PROX1: variants seen among roughly 807,000 people sequenced by gnomAD.
PROX1 encodes prospero homeobox protein 1.
Under a neutral mutation model 58.8 loss-of-function variants are expected in PROX1, and 7 were observed. The observed-to-expected ratio is 0.12, with a 90% confidence interval of 0.07 to 0.22. The LOEUF (loss-of-function observed/expected upper bound fraction) is 0.22. PROX1 is among the 10% of genes least tolerant of loss of function. The pLI is 1.00. For missense variants in PROX1, 675 were observed against 927.8 expected, an observed-to-expected ratio of 0.73 and a Z score of 3.54; for synonymous variants, 350 against 358.3, an observed-to-expected ratio of 0.98 and a Z score of 0.26.
intron 1 of PROX1, among the ~76,000 whole-genome samples, chr1:213,992,977 T>C (rs1402542965): frequency 1.3e-5 from 2 of 152,216 alleles, no homozygotes; most frequent in East Asian, 3.8e-4. Flanking sequence ...AATTCAGATA[T>C]TAAAGGAGAC....
chr1:214,011,606 G>T lies in PROX1; in HGVS notation c.1919G>T (p.Arg640Leu). The T allele has an allele frequency of 1.2e-6, 2 of 1,614,008 alleles. No homozygotes were observed. Among genetic ancestry groups the T allele is most frequent in the Non-Finnish European group, 1.7e-6 (2 of 1,179,910 alleles). Residue 640 changes from arginine to leucine, a missense_variant, in exon 4 of 5, where the codon CGT becomes CTT. Transcript: ENST00000366958. Reference protein sequence around the residue: ...FYYIQMEKYARQAINDGVTST... With the variant: ...FYYIQMEKYALQAINDGVTST... The stretch of plus-strand genomic sequence containing the variant: ...TACATTCAGATGGAGAAGTACGCAC[G>T]TCAAGCCATCAACGATGGGGTCACC...
intron 4 of PROX1, among the ~76,000 whole-genome samples, chr1:214,016,555 A>G (rs940900915): frequency 6.6e-6 from 1 of 152,218 alleles, no homozygotes; most frequent in Admixed American, 6.5e-5. Flanking sequence ...CGAGGAGGAA[A>G]AGAAACCCTT....
At chr1:213,990,298 T>C (rs2102678599) in intron 1 of PROX1, among the ~76,000 whole-genome samples, 1 of 152,044 alleles carries the variant, frequency 6.6e-6, no homozygotes, top group East Asian at 1.9e-4. Flanking sequence ...TGTGTGTCTG[T>C]ACAGCTCTAG....
chr1:214,034,210 G>C (rs1664755072), intron 4 of PROX1, among the ~76,000 whole-genome samples: 3 of 152,108 alleles, frequency 2.0e-5, no homozygotes, highest in Admixed American at 2.0e-4. Context: ...AGTGATGTCG[G>C]GTGATGATTC....
intron 4 of PROX1, among the ~76,000 whole-genome samples, chr1:214,014,830 G>T (rs378414): frequency 0.92 from 140,422 of 152,216 alleles, 65,161 homozygotes; most frequent in Non-Finnish European, 0.98. Context: ...GCCTCTGTCA[G>T]AAGCTTGCTA....
rs1663343434 is a variant in PROX1 at position 213,997,969 on chromosome 1, C to T, written c.1434C>T (p.Ser478=). 1.9e-6 allele frequency: 3 copies of T among 1,613,882 alleles called. No individual in the cohort carries two copies. Among genetic ancestry groups the T allele is most frequent in the Admixed American group, 1.7e-5 (1 of 59,988 alleles). ...CTGCCACCACGGGCTTCACCACGTC[C>T]ACCTTCCGCCACCCCTTCCCCCTTC... ...PLSATTGFTT[S]TFRHPFPLPL... The change falls in exon 2 of 5, where the codon TCC becomes TCT. Residue 478 remains serine, a synonymous_variant. Coordinates refer to ENST00000366958, the MANE Select transcript of PROX1 (RefSeq NM_001270616.2). This position sits in a 1 kb window ranked among gnomAD's most constrained non-coding sequence, Gnocchi z 7.1.
At chr1:213,992,964 G>C (rs983369554) in intron 1 of PROX1, among the ~76,000 whole-genome samples, 1 of 152,144 alleles carries the variant, frequency 6.6e-6, no homozygotes, top group Non-Finnish European at 1.5e-5. Context: ...GAGAATGTCA[G>C]ATAATTCAGA....
At chr1:214,012,065 T>C (rs1558179219) in intron 4 of PROX1, among the ~76,000 whole-genome samples, 1 of 152,176 alleles carries the variant, frequency 6.6e-6, no homozygotes, top group African/African-American at 2.4e-5. Flanking sequence ...ACCTTTTTCA[T>C]ATTTAGGTTC....
At position 213,997,452 on chromosome 1, in the gene PROX1, A is replaced by G. The variant is rs1230587349; in HGVS notation, c.917A>G (p.Gln306Arg). 1 of 1,614,024 alleles carries G rather than the reference A, an allele frequency of 6.2e-7. No individual in the cohort carries two copies. The highest frequency in any genetic ancestry group is 8.5e-7 in the Non-Finnish European group (1 of 1,180,032). The change falls in exon 2 of 5, where the codon CAG becomes CGG. Residue 306 changes from glutamine to arginine, a missense_variant. Physicochemically the swap from Gln to Arg is conservative, Grantham distance 43. Transcript: ENST00000366958. The surrounding 1 kb of genome is among the most constrained non-coding windows in gnomAD (Gnocchi z 7.1). ...DNEMCELDPG[Q>R]FIDRARALIR... ...GAGATGTGCGAGCTAGACCCAGGAC[A>G]GTTTATTGACCGAGCTCGAGCCCTG...
chr1:214,027,199 C>T (rs538996921), intron 4 of PROX1, among the ~76,000 whole-genome samples: 1 of 152,196 alleles, frequency 6.6e-6, no homozygotes, highest in East Asian at 1.9e-4. Context: ...TAGCCTTTCC[C>T]TGGGTTTGCT....
intron 4 of PROX1, among the ~76,000 whole-genome samples, chr1:214,018,515 T>C (rs1664171845): frequency 6.6e-6 from 1 of 152,144 alleles, no homozygotes; most frequent in African/African-American, 2.4e-5. Flanking sequence ...AGATGCAGTG[T>C]GGAGAGAGCT....
intron 3 of PROX1, among the ~76,000 whole-genome samples, chr1:214,008,053 T>G (rs553953717): frequency 5.7e-4 from 60 of 104,998 alleles, no homozygotes; most frequent in Admixed American, 1.7e-3. Flanking sequence ...GTTATTTTAT[T>G]CAATTTTTTT....
intron 3 of PROX1, among the ~76,000 whole-genome samples, chr1:214,007,410 G>T (rs771024074): frequency 1.6e-4 from 24 of 152,172 alleles, no homozygotes; most frequent in Non-Finnish European, 3.1e-4. Flanking sequence ...ATCACTGAAG[G>T]TCACTTCTCT....
Position 214,005,281 on chromosome 1 carries a change from T to A in PROX1, c.1833+9T>A, listed in dbSNP as rs768853967. 3 of 1,584,810 alleles carry A rather than the reference T, an allele frequency of 1.9e-6. No homozygotes were observed. In the African/African-American group the frequency reaches 4.1e-5, roughly 22 times the overall value. ...ACTTCTCCGACGTAAAGGTAGGGAC[T>A]TTTTTTATTCTTAATTTTTTCATTT... On this transcript the variant is annotated intron_variant, in intron 3 of 4. Coordinates refer to ENST00000366958, the MANE Select transcript of PROX1 (RefSeq NM_001270616.2).
At chr1:214,007,746 CA>C (rs1299305963) in intron 3 of PROX1, among the ~76,000 whole-genome samples, 1 of 152,138 alleles carries the variant, frequency 6.6e-6, no homozygotes. Flanking sequence ...TACAGATAGA[CA>C]AGTGTGTCTA....
In PROX1 at chr1:214,023,128, A is replaced by C. The variant is rs561606324; in HGVS notation, c.2028+11413A>C. 9.2e-5 allele frequency among the ~76,000 whole-genome samples: 14 copies of C among 152,318 alleles called. No homozygotes were observed. In the South Asian group the frequency reaches 2.9e-3, roughly 32 times the overall value. ...AATTCATACACAATTTATTGACTGA[A>C]TTGGCACTATCATTAGACTTGCTGC... On this transcript the variant is annotated intron_variant, in intron 4 of 4. Transcript: ENST00000366958.
In PROX1 at chr1:213,988,020, CA is replaced by C. The variant is rs1171389596; in HGVS notation, c.-530del. ...AATACACCATTGCAGCCGGGGAAAG[CA>C]GAGCGGCGCAAAAGAGCTCTCGCCG... On this transcript the variant is annotated 5_prime_UTR_variant, in exon 1 of 5. Coordinates refer to ENST00000366958, the MANE Select transcript of PROX1 (RefSeq NM_001270616.2). 1.3e-5 allele frequency: 2 copies of C among 151,714 alleles called. No homozygotes were observed. The highest frequency in any genetic ancestry group is 6.6e-5 in the Admixed American group (1 of 15,252). The allele number at this position is 151,714 out of a possible 1,614,324, so 9.4% of individuals were successfully genotyped here.
Position 213,997,650 on chromosome 1 carries a change from C to T in PROX1, c.1115C>T (p.Ser372Leu), listed in dbSNP as rs1663324183. 6.2e-7 allele frequency: 1 copy of T among 1,614,214 alleles called. No individual in the cohort carries two copies. Among genetic ancestry groups the T allele is most frequent in the Non-Finnish European group, 8.5e-7 (1 of 1,180,044 alleles). ...QVVDTVVKVFSAKPSRQVPQV... is the reference protein window; with the variant it reads ...QVVDTVVKVFLAKPSRQVPQV... ...GTGGACACTGTGGTCAAAGTCTTTT[C>T]GGCCAAGCCCTCCCGCCAGGTTCCT... The change falls in exon 2 of 5, where the codon TCG becomes TTG. Residue 372 changes from serine (S) to leucine (L), a missense_variant. Physicochemically the swap from Ser to Leu is moderately radical, Grantham distance 145. Coordinates refer to ENST00000366958, the MANE Select transcript of PROX1 (RefSeq NM_001270616.2). This position sits in a 1 kb window ranked among gnomAD's most constrained non-coding sequence, Gnocchi z 7.1.
At chr1:213,991,992 G>A (rs1663055080) in intron 1 of PROX1, among the ~76,000 whole-genome samples, 1 of 152,174 alleles carries the variant, frequency 6.6e-6, no homozygotes, top group South Asian at 2.1e-4. Context: ...CTTATTGCCT[G>A]TGCATTCTCA....
Sources: allele counts gnomAD v4.1 joint callset (sites outside exome capture counted in the v4.1 genomes callset), GRCh38; gene constraint gnomAD v4.1.1; non-coding constraint Gnocchi (gnomAD v3.1); transcripts MANE v1.5; gene names NCBI Gene and HGNC (gene_info 2026-07-23, HGNC 2026-07-21).